The following CAMKMT variants were observed in gnomAD, a reference collection of about 807,000 sequenced individuals.
The protein encoded by CAMKMT is CaM KMT.
A neutral mutation model predicts 48.0 loss-of-function variants in CAMKMT; 53 were observed. The observed-to-expected ratio is 1.10, with a 90% CI of 0.89 to 1.39. The LOEUF (loss-of-function observed/expected upper bound fraction) is 1.39, where lower values mean the gene tolerates loss of function less well. Ranked by LOEUF, CAMKMT falls within the 40% of genes most tolerant of loss-of-function variation. CAMKMT has a pLI of 0.00. For missense variants in CAMKMT, 428 were observed against 402.7 expected (o/e 1.06, Z -0.54); for synonymous variants, 165 against 152.3 (o/e 1.08, Z -0.61).
At chr2:44,470,206 C>T (rs991812425) in intron 3 of CAMKMT, among the ~76,000 whole-genome samples, 3 of 152,084 alleles carry the variant, frequency 2.0e-5, no homozygotes, top group African/African-American at 7.2e-5. Context: ...CCAGTTCTAA[C>T]ATTCTCAATT....
At chr2:44,406,900 G>A (rs536385722) in intron 3 of CAMKMT, among the ~76,000 whole-genome samples, 2 of 152,290 alleles carry the variant, frequency 1.3e-5, no homozygotes, top group East Asian at 1.9e-4. Context: ...GAGCCATTGC[G>A]CCCAGCCAAA....
chr2:44,577,263 A>G (rs2103759509), intron 3 of CAMKMT, among the ~76,000 whole-genome samples: 1 of 152,350 alleles, frequency 6.6e-6, no homozygotes, highest in Admixed American at 6.5e-5. Flanking sequence ...AAACTGGCAT[A>G]TTAATTATTT....
chr2:44,507,855 T>C (rs1199756744), intron 3 of CAMKMT, among the ~76,000 whole-genome samples: 1 of 152,164 alleles, frequency 6.6e-6, no homozygotes, highest in Non-Finnish European at 1.5e-5. Context: ...AACTAAACAA[T>C]GTGCTTAATG....
intron 7 of CAMKMT, among the ~76,000 whole-genome samples, chr2:44,740,420 G>A (rs1558829298): frequency 6.6e-6 from 1 of 152,100 alleles, no homozygotes; most frequent in Non-Finnish European, 1.5e-5. Context: ...ATGAGCCACC[G>A]TGCCCGGCTG....
rs1313326716 is a variant in CAMKMT, at chr2:44,657,329, A to G, written c.377-46954A>G. Among the ~76,000 whole-genome samples the G allele has an allele frequency of 2.6e-5, 4 of 152,238 alleles. No homozygotes were observed. Among genetic ancestry groups the G allele is most frequent in the East Asian group, 3.8e-4 (2 of 5,196 alleles). ...TTGATTTTCAGTGGTTACATATAACATATCAATGTCTAACCTGACTCATTT... is the reference window on the plus strand; with the variant it reads ...TTGATTTTCAGTGGTTACATATAACGTATCAATGTCTAACCTGACTCATTT... On this transcript the variant is annotated intron_variant, in intron 3 of 10. Transcript: ENST00000378494. The surrounding 1 kb of genome is among the most constrained non-coding windows in gnomAD (Gnocchi z 4.3).
intron 3 of CAMKMT, among the ~76,000 whole-genome samples, chr2:44,421,253 GA>G (rs1683919424): frequency 6.6e-6 from 1 of 152,070 alleles, no homozygotes; most frequent in Non-Finnish European, 1.5e-5. Flanking sequence ...TTTGAAGAAA[GA>G]CTTTTGTCTT....
intron 3 of CAMKMT, among the ~76,000 whole-genome samples, chr2:44,451,712 A>G (rs961130983): frequency 1.3e-5 from 2 of 151,856 alleles, no homozygotes; most frequent in Non-Finnish European, 2.9e-5. Context: ...AAAACTTTCT[A>G]TTTTACGTGG....
chr2:44,685,360 C>G (rs1424772953), intron 3 of CAMKMT, among the ~76,000 whole-genome samples: 1 of 152,108 alleles, frequency 6.6e-6, no homozygotes, highest in African/African-American at 2.4e-5. Context: ...AGGGAGAAAG[C>G]AATGGGCAAA....
chr2:44,392,256 A>T (rs968846882), intron 3 of CAMKMT, among the ~76,000 whole-genome samples: 1 of 152,150 alleles, frequency 6.6e-6, no homozygotes, highest in Non-Finnish European at 1.5e-5. Flanking sequence ...AAACCTGGAT[A>T]TATTGCTGAG....
At chr2:44,409,205 C>G (rs1683022230) in intron 3 of CAMKMT, among the ~76,000 whole-genome samples, 2 of 145,430 alleles carry the variant, frequency 1.4e-5, no homozygotes, top group African/African-American at 2.5e-5. Flanking sequence ...ATAAAGACAA[C>G]TAGCCAAAAT....
chr2:44,730,587 AT>A (rs1159243803), intron 7 of CAMKMT, among the ~76,000 whole-genome samples: 3 of 152,248 alleles, frequency 2.0e-5, no homozygotes, highest in Non-Finnish European at 4.4e-5. Flanking sequence ...TGAGTTTTCA[AT>A]TCCAGATTTA....
chr2:44,537,331 A>C (rs1421182923), intron 3 of CAMKMT, among the ~76,000 whole-genome samples: 2 of 152,206 alleles, frequency 1.3e-5, no homozygotes, highest in Non-Finnish European at 2.9e-5. Flanking sequence ...ACAAACAAAC[A>C]AACAGTTCCA....
intron 3 of CAMKMT, among the ~76,000 whole-genome samples, chr2:44,557,972 C>T (rs183311358): frequency 6.6e-6 from 1 of 152,264 alleles, no homozygotes; most frequent in African/African-American, 2.4e-5. Context: ...GGAAAACTTA[C>T]ATAATGAGTT....
At chr2:44,388,330 G>A (rs1268888656) in intron 2 of CAMKMT, among the ~76,000 whole-genome samples, 2 of 152,116 alleles carry the variant, frequency 1.3e-5, no homozygotes, top group East Asian at 3.9e-4. Context: ...ATTTCTAAAA[G>A]TGTGTCTGAA....
At chr2:44,377,662 CTTT>C (rs895493455) in intron 2 of CAMKMT, among the ~76,000 whole-genome samples, 84 of 152,076 alleles carry the variant, frequency 5.5e-4, no homozygotes, top group African/African-American at 2.0e-3. Context: ...AACTGTCCTT[CTTT>C]GTTTGAAGAA....
At chr2:44,477,506 A>C (rs1668749145) in intron 3 of CAMKMT, among the ~76,000 whole-genome samples, 1 of 152,216 alleles carries the variant, frequency 6.6e-6, no homozygotes, top group African/African-American at 2.4e-5. Flanking sequence ...ACAGTAACTC[A>C]ATAAACAATT....
intron 3 of CAMKMT, among the ~76,000 whole-genome samples, chr2:44,565,946 G>A (rs1668592333): frequency 6.6e-6 from 1 of 152,180 alleles, no homozygotes; most frequent in African/African-American, 2.4e-5. Flanking sequence ...CACAACATGT[G>A]TTTGTGTAAC....
In CAMKMT at chr2:44,648,595, C is replaced by G. The variant is rs182638370; in HGVS notation, c.377-55688C>G. 1.8e-3 allele frequency among the ~76,000 whole-genome samples: 268 copies of G among 152,238 alleles called. 1 individual carries two copies. Among genetic ancestry groups the G allele is most frequent in the Non-Finnish European group, 2.6e-3 (176 of 68,012 alleles). ...TCTTAAACTATAAGAAATGTAAAAT[C>G]CTTTTAAAGACCATACACAGGGCTT... On this transcript the variant is annotated intron_variant, in intron 3 of 10. Coordinates refer to ENST00000378494, the MANE Select transcript of CAMKMT (RefSeq NM_024766.5).
chr2:44,609,933 T>C (rs918121828), intron 3 of CAMKMT, among the ~76,000 whole-genome samples: 1 of 152,198 alleles, frequency 6.6e-6, no homozygotes, highest in Non-Finnish European at 1.5e-5. Flanking sequence ...CAAGAGTCTC[T>C]GTAAGACTTT....
Sources: allele counts gnomAD v4.1 joint callset (sites outside exome capture counted in the v4.1 genomes callset), GRCh38; gene constraint gnomAD v4.1.1; non-coding constraint Gnocchi (gnomAD v3.1); transcripts MANE v1.5; gene names NCBI Gene and HGNC (gene_info 2026-07-23, HGNC 2026-07-21).